The following UGGT2 variants were observed in gnomAD, a reference collection of about 807,000 sequenced individuals.
The protein encoded by UGGT2 is UDP-glucose glycoprotein glucosyltransferase 2, also known as UDP-glucose:glycoprotein glucosyltransferase 2.
UGGT2 carries 180 observed loss-of-function variants against 192.1 expected under a neutral mutation model. The ratio of observed to expected loss-of-function variants is 0.94; its 90% CI spans 0.83 to 1.06. The LOEUF (loss-of-function observed/expected upper bound fraction) is 1.06. Among genes scored for constraint, UGGT2 ranks in the 50% least tolerant of loss-of-function variants. The probability of loss-of-function intolerance (pLI) is 0.00; values close to 1 mark genes in which losing one functional copy is unlikely to be tolerated. For missense variants in UGGT2, 1,849 were observed against 1,795.7 expected, an observed-to-expected ratio of 1.03 and a Z score of -0.54; for synonymous variants, 580 against 591.0, an observed-to-expected ratio of 0.98 and a Z score of 0.27.
At chr13:96,023,229 T>A (rs1003089793) in intron 3 of UGGT2, 77 bp from the exon 4 acceptor site, 1 of 1,225,742 alleles carries the variant, frequency 8.2e-7, no homozygotes, top group African/African-American at 1.5e-5. Context: ...CACATTACTT[T>A]GATTAAAATA....
In UGGT2 at chr13:95,884,554, T is replaced by G. The variant is rs2047589874; in HGVS notation, c.3165A>C (p.Pro1055=). The stretch of plus-strand genomic sequence containing the variant: ...GCACTGTTTCAACCAACCAGCCTTC[T>G]GGAGTAATCATGTTGAGGATTAGGA... ...SPLLILNMIT[P]EGWLVETVHS... is the part of the protein sequence containing the mutation. The change falls in exon 27 of 39, where the codon CCA becomes CCC. Residue 1055 remains proline (P), a synonymous_variant. Coordinates refer to ENST00000376747, the MANE Select transcript of UGGT2 (RefSeq NM_020121.4). The G allele has an allele frequency of 6.2e-7, 1 of 1,613,886 alleles. No homozygotes were observed. Among genetic ancestry groups the G allele is most frequent in the Non-Finnish European group, 8.5e-7 (1 of 1,179,938 alleles).
intron 31 of UGGT2, among the ~76,000 whole-genome samples, chr13:95,861,216 A>G (rs776033291): frequency 2.0e-5 from 3 of 152,114 alleles, no homozygotes; most frequent in Non-Finnish European, 2.9e-5. Context: ...CTGAAAGTTT[A>G]AACAGGTCAA....
intron 12 of UGGT2, among the ~76,000 whole-genome samples, chr13:95,959,691 G>A (rs2050326720): frequency 6.6e-6 from 1 of 152,192 alleles, no homozygotes; most frequent in Non-Finnish European, 1.5e-5. Flanking sequence ...TTAGGTCCTA[G>A]AGAATTGTCC....
chr13:96,004,260 T>C (rs2051900409), intron 5 of UGGT2, among the ~76,000 whole-genome samples: 1 of 152,098 alleles, frequency 6.6e-6, no homozygotes, highest in African/African-American at 2.4e-5. Flanking sequence ...ATTTATGGGG[T>C]ATATGTTATA....
intron 38 of UGGT2, among the ~76,000 whole-genome samples, chr13:95,802,307 GA>G (rs1884098330): frequency 1.3e-5 from 2 of 152,178 alleles, no homozygotes; most frequent in Non-Finnish European, 2.9e-5. Context: ...GACTCTCAGA[GA>G]ACAAAATGGT....
Position 95,970,111 on chromosome 13 carries a change from C to T in UGGT2, c.1335+1G>A, listed in dbSNP as rs968109626. On this transcript the variant is annotated splice_donor_variant, in intron 12 of 38. Coordinates refer to ENST00000376747, the MANE Select transcript of UGGT2 (RefSeq NM_020121.4). LOFTEE classifies it high-confidence loss of function. Reference sequence around the variant, plus strand: ...GAACAAGGAATAGCATAAGCACTTACCATTATAGAAGAATGTCGAATATCT... The same window carrying T: ...GAACAAGGAATAGCATAAGCACTTATCATTATAGAAGAATGTCGAATATCT... 1 of 1,603,382 alleles carries T rather than the reference C, an allele frequency of 6.2e-7. No individual in the cohort carries two copies. Among genetic ancestry groups the T allele is most frequent in the Non-Finnish European group, 8.5e-7 (1 of 1,171,258 alleles).
chr13:95,962,707 T>C (rs1388236284), intron 12 of UGGT2, among the ~76,000 whole-genome samples: 1 of 152,126 alleles, frequency 6.6e-6, no homozygotes, highest in Non-Finnish European at 1.5e-5. Context: ...AAACCAGCAT[T>C]ACCCGGATAC....
chr13:96,038,384 T>A (rs2053066811), intron 1 of UGGT2, among the ~76,000 whole-genome samples: 1 of 152,072 alleles, frequency 6.6e-6, no homozygotes. Flanking sequence ...TAATAGAAAG[T>A]TATTAATTTT....
Position 95,884,569 on chromosome 13 carries a change from G to T in UGGT2, c.3150C>A (p.Leu1050=), listed in dbSNP as rs879174778. Residue 1050 remains leucine (L), a synonymous_variant, in exon 27 of 39, where the codon CTC becomes CTA. Coordinates refer to ENST00000376747, the MANE Select transcript of UGGT2 (RefSeq NM_020121.4). ...LDIPESPLLI[L]NMITPEGWLV... is the part of the protein sequence containing the mutation. Reference sequence around the variant, plus strand: ...ACCAGCCTTCTGGAGTAATCATGTTGAGGATTAGGAGGGGTGATTCAGGAA... The same window carrying T: ...ACCAGCCTTCTGGAGTAATCATGTTTAGGATTAGGAGGGGTGATTCAGGAA... 6.2e-7 allele frequency: 1 copy of T among 1,613,932 alleles called. No individual in the cohort carries two copies.
chr13:95,865,820 T>G (rs906761131), intron 30 of UGGT2, among the ~76,000 whole-genome samples: 9 of 152,358 alleles, frequency 5.9e-5, no homozygotes, highest in Admixed American at 5.9e-4. Flanking sequence ...GAAATTCCAT[T>G]TAGTTTACTT....
Position 95,927,296 on chromosome 13 carries a change from A to G in UGGT2, c.2018T>C (p.Met673Thr), listed in dbSNP as rs1484157801. The change falls in exon 18 of 39, where the codon ATG becomes ACG. Residue 673 changes from methionine (M) to threonine (T), a missense_variant. Physicochemically the swap from Met to Thr is moderately conservative, Grantham distance 81. Transcript: ENST00000376747. ...NDRTNAIDFL[M>T]DRNNVVPRIN... The stretch of plus-strand genomic sequence containing the variant: ...ACGGGGTACAACATTATTCCTATCC[A>G]TTAGAAAATCAATTGCATTCGTGCG... 1 of 1,610,164 alleles carries G rather than the reference A, an allele frequency of 6.2e-7. No individual in the cohort carries two copies. The highest frequency in any genetic ancestry group is 8.5e-7 in the Non-Finnish European group (1 of 1,179,012).
intron 29 of UGGT2, among the ~76,000 whole-genome samples, chr13:95,875,507 A>G (rs1366626360): frequency 6.6e-6 from 1 of 152,218 alleles, no homozygotes; most frequent in Non-Finnish European, 1.5e-5. Flanking sequence ...ATACGTCATA[A>G]TATATGATAT....
chr13:95,815,918 CTCT>C (rs373308338), intron 38 of UGGT2, among the ~76,000 whole-genome samples: 2 of 152,126 alleles, frequency 1.3e-5, no homozygotes, highest in African/African-American at 4.8e-5. Context: ...TCCCTCGGTG[CTCT>C]TCTTGTGATA....
intron 29 of UGGT2, among the ~76,000 whole-genome samples, chr13:95,870,286 T>C (rs9561966): frequency 0.051 from 7,764 of 152,278 alleles, 300 homozygotes; most frequent in East Asian, 0.2. Flanking sequence ...GTTAGAAAGA[T>C]ACACCCATTT....
At chr13:95,874,594 A>G (rs1891498344) in intron 29 of UGGT2, among the ~76,000 whole-genome samples, 1 of 152,134 alleles carries the variant, frequency 6.6e-6, no homozygotes, top group South Asian at 2.1e-4. Context: ...TTCCCACTTA[A>G]TATTTTTGGA....
In UGGT2 at chr13:95,902,803, C is replaced by T. The variant is rs938147532; in HGVS notation, c.2502+51G>A. 5 of 1,528,346 alleles carry T rather than the reference C, an allele frequency of 3.3e-6. No homozygotes were observed. In the African/African-American group the frequency reaches 4.1e-5, roughly 13 times the overall value. 94.7% of individuals were successfully genotyped at this position (1,528,346 alleles called of 1,614,324 possible). A position where few individuals can be genotyped will look rare whatever the true frequency, so the allele number is the denominator to read the frequency against. On this transcript the variant is annotated intron_variant, in intron 21 of 38. Transcript: ENST00000376747. ...AACAATATCTCCAAATACACTCACA[C>T]TTTTAAAATATGCAATACATACATA...
intron 38 of UGGT2, among the ~76,000 whole-genome samples, chr13:95,830,798 A>G (rs929970633): frequency 6.6e-6 from 1 of 152,240 alleles, no homozygotes; most frequent in African/African-American, 2.4e-5. Context: ...AAAGGATTAT[A>G]AATCATGCTG....
intron 12 of UGGT2, among the ~76,000 whole-genome samples, chr13:95,951,838 T>A (rs2050071825): frequency 6.6e-6 from 1 of 152,016 alleles, no homozygotes; most frequent in African/African-American, 2.4e-5. Context: ...GGTGGGTGGA[T>A]CATGAGGTCA....
Position 95,989,504 on chromosome 13 carries a change from C to T in UGGT2, c.931+469G>A, listed in dbSNP as rs372275726. 6 of 333,004 alleles carry T rather than the reference C, an allele frequency of 1.8e-5. No individual in the cohort carries two copies. The East Asian group carries it at 4.5e-4, about 25-fold the overall frequency. 20.6% of individuals were successfully genotyped at this position (333,004 alleles called of 1,614,324 possible). ...AATATCTGCTTGTAGGTTTTCAGTA[C>T]AGAAGCTGTTCCTAACTTTGTAAAA... is the stretch of plus-strand genomic sequence containing the variant. On this transcript the variant is annotated intron_variant, in intron 8 of 38. Coordinates refer to ENST00000376747, the MANE Select transcript of UGGT2 (RefSeq NM_020121.4).
Sources: allele counts gnomAD v4.1 joint callset (sites outside exome capture counted in the v4.1 genomes callset), GRCh38; gene constraint gnomAD v4.1.1; transcripts MANE v1.5; gene names NCBI Gene and HGNC (gene_info 2026-07-23, HGNC 2026-07-21).